Variants in AMPD3 observed in about 807,000 individuals in gnomAD.
AMPD3 encodes adenosine monophosphate deaminase 3, also known as AMP deaminase 3.
Under a neutral mutation model 82.3 loss-of-function variants are expected in AMPD3, and 57 were observed. That is an observed-to-expected ratio of 0.69 (90% CI 0.56 to 0.86). The LOEUF (loss-of-function observed/expected upper bound fraction) is 0.86, where lower values mean the gene tolerates loss of function less well. Ranked by LOEUF, AMPD3 falls within the 40% of genes least tolerant of loss-of-function variation. AMPD3 has a pLI of 0.00. For synonymous variants in AMPD3, 381 were observed against 394.7 expected, an observed-to-expected ratio of 0.97 and a Z score of 0.41; for missense variants, 870 against 1,003.8, an observed-to-expected ratio of 0.87 and a Z score of 1.80.
intron 10 of AMPD3, among the ~76,000 whole-genome samples, chr11:10,498,173 T>C (rs187901083): frequency 1.0e-3 from 153 of 152,300 alleles, no homozygotes; most frequent in Middle Eastern, 3.4e-3. Flanking sequence ...GTCTCTGAGG[T>C]GTGGCAGCGC....
chr11:10,459,437 C>T (rs1464990318), intron 1 of AMPD3, among the ~76,000 whole-genome samples: 1 of 152,158 alleles, frequency 6.6e-6, no homozygotes, highest in East Asian at 1.9e-4. Flanking sequence ...TTAGTTCAAT[C>T]CCTTTATCTC....
chr11:10,494,692 AG>A (rs1420319796), intron 7 of AMPD3: 1 of 985,292 alleles, frequency 1.0e-6, no homozygotes, highest in Non-Finnish European at 1.2e-6. Flanking sequence ...GTTCCTTCAC[AG>A]GGGGCCTTGC....
chr11:10,488,941 C>G (rs1249508903), intron 6 of AMPD3, among the ~76,000 whole-genome samples: 5 of 152,144 alleles, frequency 3.3e-5, no homozygotes, highest in African/African-American at 1.2e-4. Context: ...ACCTGGAGGC[C>G]CTAAGACCAC....
upstream of AMPD3, among the ~76,000 whole-genome samples, chr11:10,454,566 G>A (rs1353418859): frequency 6.6e-6 from 1 of 152,158 alleles, no homozygotes; most frequent in Non-Finnish European, 1.5e-5. Flanking sequence ...TACCCATAAG[G>A]GACTACAGGA....
rs553120871 is a variant in AMPD3 at position 10,469,269 on chromosome 11, A to G, written c.221+7529A>G. 3.3e-5 allele frequency among the ~76,000 whole-genome samples: 5 copies of G among 152,318 alleles called. No individual in the cohort carries two copies. The South Asian group carries it at 1.0e-3, about 32-fold the overall frequency. On this transcript the variant is annotated intron_variant, in intron 2 of 14. Transcript: ENST00000396553. ...GCTAGCAAGACTAACAAAGAGAAAA[A>G]GAGAGAAGAATCAAATAGACACAAT...
chr11:10,488,349 T>C lies in AMPD3; in HGVS notation c.939+985T>C, dbSNP rs570784496. ...GTGGCTTTGAGGGAGAGGCCAGAAC[T>C]GAGCTGACTTAGAGTGAGTAGGAGC... On this transcript the variant is annotated intron_variant, in intron 6 of 14. Coordinates refer to ENST00000396553, the MANE Select transcript of AMPD3 (RefSeq NM_001025389.2). The C allele has an allele frequency of 9.1e-6, 9 of 985,420 alleles. No homozygotes were observed. The African/African-American group carries it at 1.6e-4, about 17-fold the overall frequency. The allele number at this position is 985,420 out of a possible 1,614,324, so 61.0% of individuals were successfully genotyped here. A position where few individuals can be genotyped will look rare whatever the true frequency, so the allele number is the denominator to read the frequency against.
At chr11:10,488,612 G>T (rs12418145) in intron 6 of AMPD3, among the ~76,000 whole-genome samples, 31,034 of 151,984 alleles carry the variant, frequency 0.2, 3,824 homozygotes, top group East Asian at 0.59. Flanking sequence ...ATCATGCAGG[G>T]GCTGTGGGTT....
chr11:10,456,386 C>A lies in AMPD3; in HGVS notation c.-6+938C>A. ...CTTGAGTGGCATCTTCAGGACCAGT[C>A]ATGGAGCCAGGCTCAGGTCTGTGTC... is the stretch of plus-strand genomic sequence containing the variant. On this transcript the variant is annotated intron_variant, in intron 1 of 14. Coordinates refer to ENST00000396553, the MANE Select transcript of AMPD3 (RefSeq NM_001025389.2). This position sits in a 1 kb window ranked among gnomAD's most constrained non-coding sequence, Gnocchi z 4.3. 2.5e-6 allele frequency: 4 copies of A among 1,613,764 alleles called. No individual in the cohort carries two copies. The highest frequency in any genetic ancestry group is 3.4e-6 in the Non-Finnish European group (4 of 1,179,722).
At chr11:10,493,618 C>G (rs773759792) in intron 7 of AMPD3, 75 bp downstream of exon 7, 81 of 1,527,784 alleles carry the variant, frequency 5.3e-5, no homozygotes, top group Non-Finnish European at 3.6e-6. Context: ...GGAAAGCCAC[C>G]ATGATTGTGC....
At chr11:10,459,410 AG>A (rs1848192731) in intron 1 of AMPD3, among the ~76,000 whole-genome samples, 1 of 152,184 alleles carries the variant, frequency 6.6e-6, no homozygotes, top group African/African-American at 2.4e-5. Context: ...TAGAGCTGAG[AG>A]GGCCTTAGAG....
At chr11:10,464,446 C>T (rs1371717087) in intron 2 of AMPD3, among the ~76,000 whole-genome samples, 1 of 152,220 alleles carries the variant, frequency 6.6e-6, no homozygotes, top group Non-Finnish European at 1.5e-5. Flanking sequence ...AGACCCCACA[C>T]TTCAACCATA....
At chr11:10,482,301 G>T (rs1031326637) in intron 4 of AMPD3, 76 bp downstream of exon 4, 7 of 1,524,300 alleles carry the variant, frequency 4.6e-6, no homozygotes, top group Admixed American at 1.8e-5. Flanking sequence ...TTCTGGCTCG[G>T]TCTATTTCCC....
chr11:10,477,669 C>T (rs777463388), intron 2 of AMPD3, among the ~76,000 whole-genome samples: 19 of 152,312 alleles, frequency 1.2e-4, no homozygotes, highest in Admixed American at 5.9e-4. Flanking sequence ...CAATCCCTCT[C>T]CCCAAACAGA....
intron 5 of AMPD3, chr11:10,486,824 G>A (rs1022480932): frequency 1.0e-6 from 1 of 985,310 alleles, no homozygotes; most frequent in Admixed American, 6.2e-5. Flanking sequence ...AGGAGATGAA[G>A]GAGGGAGACT....
Position 10,456,167 on chromosome 11 carries a change from T to C in AMPD3, c.-6+719T>C. On this transcript the variant is annotated intron_variant, in intron 1 of 14. Transcript: ENST00000396553. The surrounding 1 kb of genome is among the most constrained non-coding windows in gnomAD (Gnocchi z 4.3). ...CTGGGGACTTCAGGGCTCTTGGAAA[T>C]TTTCCACTCATATTTCATATTCACG... The C allele has an allele frequency of 7.1e-7, 1 of 1,399,550 alleles. No homozygotes were observed. The allele number at this position is 1,399,550 out of a possible 1,614,324, so 86.7% of individuals were successfully genotyped here.
intron 6 of AMPD3, among the ~76,000 whole-genome samples, chr11:10,489,685 CT>C (rs113988346): frequency 8.6e-4 from 126 of 146,062 alleles, no homozygotes; most frequent in Non-Finnish European, 7.9e-4. Context: ...CTCTGTCTCT[CT>C]TTTTTTTTTT....
chr11:10,495,567 C>T lies in AMPD3; in HGVS notation c.1267-3C>T, dbSNP rs369778695. The T allele has an allele frequency of 1.0e-4, 161 of 1,612,728 alleles. No individual in the cohort carries two copies. The African/African-American group carries it at 1.8e-3, about 18-fold the overall frequency. On this transcript the variant is annotated splice_region_variant and splice_polypyrimidine_tract_variant and intron_variant, in intron 8 of 14. Transcript: ENST00000396553. ...GGGCTGACCCAAGCTCTTCTTGTGC[C>T]AGGAGGTTGCCCGGGAGCTGGAGGA...
upstream of AMPD3, among the ~76,000 whole-genome samples, chr11:10,452,105 C>T (rs1224455096): frequency 6.6e-6 from 1 of 152,156 alleles, no homozygotes; most frequent in Admixed American, 6.5e-5. Flanking sequence ...CCATCCTTAG[C>T]TCAGCCTCTG....
chr11:10,504,730 G>A, intron 14 of AMPD3, 71 bp downstream of exon 14: 1 of 1,383,556 alleles, frequency 7.2e-7, no homozygotes, highest in South Asian at 1.2e-5. Context: ...GAGCCTTCCA[G>A]GCACTGGGGA....
Sources: gnomAD v4.1 joint callset for allele counts (sites outside exome capture counted in the v4.1 genomes callset) on GRCh38, gnomAD v4.1.1 for gene constraint, Gnocchi (gnomAD v3.1) non-coding constraint, MANE v1.5 for transcripts, NCBI Gene and HGNC (gene_info 2026-07-23, HGNC 2026-07-21) for gene names.